Variants in JAKMIP3 observed in about 807,000 individuals in gnomAD.
The protein encoded by JAKMIP3 is Janus kinase and microtubule interacting protein 3, also known as janus kinase and microtubule-interacting protein 3.
JAKMIP3 carries 58 observed loss-of-function variants against 118.5 expected under a neutral mutation model. The observed-to-expected ratio is 0.49, with a 90% CI of 0.40 to 0.61. JAKMIP3 has a LOEUF of 0.61. Ranked by LOEUF, JAKMIP3 falls within the 20% of genes least tolerant of loss-of-function variation. JAKMIP3 has a pLI of 0.00. For missense variants in JAKMIP3, 950 were observed against 1,109.0 expected (o/e 0.86, Z 2.04); for synonymous variants, 486 against 451.2 (o/e 1.08, Z -0.98).
intron 1 of JAKMIP3, among the ~76,000 whole-genome samples, chr10:132,087,046 A>T (rs2042487076): frequency 1.3e-5 from 2 of 152,182 alleles, no homozygotes; most frequent in Non-Finnish European, 2.9e-5. Context: ...CAGTTCTTGT[A>T]GTGCTGGCTT....
intron 1 of JAKMIP3, among the ~76,000 whole-genome samples, chr10:132,073,539 C>G (rs1312922207): frequency 1.3e-5 from 2 of 150,204 alleles, no homozygotes; most frequent in African/African-American, 2.5e-5. Context: ...CTCTGTTGCC[C>G]AGGCAGAAGT....
At chr10:132,109,113 CAT>C (rs1008242682) in intron 2 of JAKMIP3, among the ~76,000 whole-genome samples, 16 of 129,974 alleles carry the variant, frequency 1.2e-4, no homozygotes, top group Non-Finnish European at 1.7e-4. Context: ...TACACACACA[CAT>C]ATATATATAC....
Position 132,139,406 on chromosome 10 carries a change from GTA to G in JAKMIP3, c.1345-1043_1345-1042del, listed in dbSNP as rs1323767888. Reference sequence around the variant, plus strand: ...TGTGAGTGTATGAGTATGTGAGTGTGTATGTGTGAGTGTGTGTGTGTGTTTGT... The same window carrying G: ...TGTGAGTGTATGAGTATGTGAGTGTGTGTGTGAGTGTGTGTGTGTGTTTGT... On this transcript the variant is annotated intron_variant, in intron 9 of 23. Transcript: ENST00000684848. Among the ~76,000 whole-genome samples the G allele has an allele frequency of 4.5e-4, 53 of 117,452 alleles. 1 individual carries two copies. Among genetic ancestry groups the G allele is most frequent in the African/African-American group, 1.6e-3 (43 of 26,944 alleles). 77.1% of individuals were successfully genotyped at this position (117,452 alleles called of 152,430 possible). A position where few individuals can be genotyped will look rare whatever the true frequency, so the allele number is the denominator to read the frequency against.
chr10:132,142,220 G>A lies in JAKMIP3; in HGVS notation c.1602+172G>A, dbSNP rs576372372. On this transcript the variant is annotated intron_variant, in intron 11 of 23. Transcript: ENST00000684848. ...TGGAAGCCGATCAAAACCAGGGATTGGGGATCCCGGTGCTGGGAGTTGGCC... is the reference window on the plus strand; with the variant it reads ...TGGAAGCCGATCAAAACCAGGGATTAGGGATCCCGGTGCTGGGAGTTGGCC... Among the ~76,000 whole-genome samples, 4 of 152,232 alleles carry A rather than the reference G, an allele frequency of 2.6e-5. No individual in the cohort carries two copies. The South Asian group carries it at 8.3e-4, about 32-fold the overall frequency.
chr10:132,107,898 G>A (rs765732646), intron 2 of JAKMIP3, among the ~76,000 whole-genome samples: 6 of 152,248 alleles, frequency 3.9e-5, no homozygotes, highest in Non-Finnish European at 7.3e-5. Context: ...GGGCCAGAGC[G>A]TGTCTATGTT....
At position 132,097,918 on chromosome 10, in the gene JAKMIP3, C is replaced by CTTCCTT. The variant is rs1249279874; in HGVS notation, c.-137-6754_-137-6753insTTCCTT. 9.9e-3 allele frequency among the ~76,000 whole-genome samples: 240 copies of CTTCCTT among 24,168 alleles called. 12 individuals are homozygous for CTTCCTT. The highest frequency in any genetic ancestry group is 0.024 in the African/African-American group (229 of 9,448). 15.9% of individuals were successfully genotyped at this position (24,168 alleles called of 152,430 possible). ...CCCCTTCCCCTTCCCCTTCCCCTTC[C>CTTCCTT]CCTTTCCTTCCCCTTCCCCTTTCCC... On this transcript the variant is annotated intron_variant, in intron 1 of 23. Transcript: ENST00000684848.
At chr10:132,111,171 C>T (rs564478538) in intron 2 of JAKMIP3, among the ~76,000 whole-genome samples, 7 of 152,360 alleles carry the variant, frequency 4.6e-5, no homozygotes, top group African/African-American at 1.7e-4. Context: ...TGGGAGACGC[C>T]ATGGAAGCTC....
chr10:132,165,488 T>C (rs1021626614), intron 21 of JAKMIP3, among the ~76,000 whole-genome samples: 2 of 152,202 alleles, frequency 1.3e-5, no homozygotes, highest in African/African-American at 4.8e-5. Context: ...AAATCTGCTA[T>C]GCGGTGGAGC....
chr10:132,106,186 A>G (rs1023941074), intron 2 of JAKMIP3, among the ~76,000 whole-genome samples: 3 of 151,602 alleles, frequency 2.0e-5, no homozygotes, highest in African/African-American at 7.3e-5. Flanking sequence ...AAAAATGGAC[A>G]CATTACGCAG....
intron 10 of JAKMIP3, among the ~76,000 whole-genome samples, chr10:132,141,391 G>A (rs1356618742): frequency 6.6e-6 from 1 of 152,086 alleles, no homozygotes; most frequent in African/African-American, 2.4e-5. Context: ...AGGCTCACCT[G>A]TCTTCTCCCT....
At chr10:132,144,310 G>A (rs1313869522) in intron 11 of JAKMIP3, 2 of 152,350 alleles carry the variant, frequency 1.3e-5, no homozygotes, top group African/African-American at 4.8e-5. Flanking sequence ...AGTCAGTTAA[G>A]GAACACAGAA....
At chr10:132,041,869 C>CT (rs558651362) in intron 1 of JAKMIP3, among the ~76,000 whole-genome samples, 113 of 149,072 alleles carry the variant, frequency 7.6e-4, no homozygotes, top group South Asian at 2.8e-3. Context: ...TCTTTCTTTT[C>CT]TTTTTTTTTT....
chr10:132,061,184 C>T (rs190196546), upstream of JAKMIP3, among the ~76,000 whole-genome samples: 22 of 118,426 alleles, frequency 1.9e-4, no homozygotes, highest in East Asian at 3.9e-3. Context: ...CACACACCTG[C>T]CGTGACGGCG....
intron 3 of JAKMIP3, among the ~76,000 whole-genome samples, chr10:132,121,766 T>C (rs1194383310): frequency 6.6e-6 from 1 of 152,110 alleles, no homozygotes; most frequent in Non-Finnish European, 1.5e-5. Flanking sequence ...CCCTTGCTAC[T>C]TAGCGCCACA....
At chr10:132,055,094 G>A (rs750165846) in intron 1 of JAKMIP3, among the ~76,000 whole-genome samples, 1 of 152,152 alleles carries the variant, frequency 6.6e-6, no homozygotes, top group Admixed American at 6.5e-5. Context: ...GGGCTGCTGG[G>A]GTTGGTTTTG....
intron 3 of JAKMIP3, among the ~76,000 whole-genome samples, chr10:132,123,975 A>G (rs541349577): frequency 6.6e-5 from 10 of 152,352 alleles, no homozygotes; most frequent in Middle Eastern, 3.4e-3. Flanking sequence ...GAGAGCCTTT[A>G]GAGTCCCAGG....
chr10:132,136,960 T>G, intron 6 of JAKMIP3, 59 bp from the exon 7 acceptor site: 1 of 1,570,048 alleles, frequency 6.4e-7, no homozygotes. Context: ...GCCGACCCAC[T>G]GTGTTCAGCC....
rs187766787 is a variant in JAKMIP3 at position 132,038,517 on chromosome 10, C to T, written c.-138+1779C>T. Reference sequence around the variant, plus strand: ...CGATGATCAAAATAGTCAACCATGGCCAGGTGTGGTGGCTCATGCCTGGAA... The same window carrying T: ...CGATGATCAAAATAGTCAACCATGGTCAGGTGTGGTGGCTCATGCCTGGAA... On this transcript the variant is annotated intron_variant, in intron 1 of 23. Transcript: ENST00000657785. Among the ~76,000 whole-genome samples the T allele has an allele frequency of 3.5e-3, 532 of 152,244 alleles. 3 individuals are homozygous for T. The highest frequency in any genetic ancestry group is 7.9e-3 in the Admixed American group (121 of 15,294).
chr10:132,138,372 G>A (rs1023578549), intron 9 of JAKMIP3, among the ~76,000 whole-genome samples, 194 bp downstream of exon 9: 20 of 142,520 alleles, frequency 1.4e-4, no homozygotes, highest in Middle Eastern at 3.8e-3. Flanking sequence ...AGAGGACCGC[G>A]CCCGCGTGTG....
Sources: allele counts gnomAD v4.1 joint callset (sites outside exome capture counted in the v4.1 genomes callset), GRCh38; gene constraint gnomAD v4.1.1; transcripts MANE v1.5; gene names NCBI Gene and HGNC (gene_info 2026-07-23, HGNC 2026-07-21).